HNF4G: variants seen among roughly 807,000 people sequenced by gnomAD.
HNF4G encodes hepatocyte nuclear factor 4 gamma, also known as hepatocyte nuclear factor 4-gamma.
A neutral mutation model predicts 50.9 loss-of-function variants in HNF4G; 21 were observed. The observed-to-expected ratio is 0.41, with a 90% CI of 0.29 to 0.59. The LOEUF (loss-of-function observed/expected upper bound fraction) is 0.59, where lower values mean the gene tolerates loss of function less well. Ranked by LOEUF, HNF4G falls within the 20% of genes least tolerant of loss-of-function variation. The pLI is 0.26. For synonymous variants in HNF4G, 198 were observed against 185.6 expected (o/e 1.07, Z -0.54); for missense variants, 527 against 559.4 (o/e 0.94, Z 0.58).
intron 2 of HNF4G, among the ~76,000 whole-genome samples, chr8:75,499,336 C>G (rs1812863405): frequency 1.3e-5 from 2 of 151,936 alleles, no homozygotes; most frequent in African/African-American, 4.8e-5. Flanking sequence ...AGATACAAGA[C>G]TGTACACTAA....
chr8:75,490,810 G>A (rs141826797), intron 2 of HNF4G, among the ~76,000 whole-genome samples: 126 of 152,246 alleles, frequency 8.3e-4, no homozygotes, highest in Middle Eastern at 3.4e-3. Flanking sequence ...TGAGCAGATT[G>A]CGATTGTTCA....
intron 1 of HNF4G, among the ~76,000 whole-genome samples, chr8:75,441,774 C>T (rs1403707501): frequency 6.6e-6 from 1 of 152,168 alleles, no homozygotes; most frequent in East Asian, 1.9e-4. Context: ...TATCCCATCA[C>T]AAACTTGTAG....
At chr8:75,496,166 GA>G (rs1207762652) in intron 2 of HNF4G, among the ~76,000 whole-genome samples, 1 of 152,052 alleles carries the variant, frequency 6.6e-6, no homozygotes, top group East Asian at 1.9e-4. Context: ...AAAAATTTGA[GA>G]GATCCAGGAG....
chr8:75,424,439 G>A (rs1281576501), intron 1 of HNF4G, among the ~76,000 whole-genome samples: 2 of 151,894 alleles, frequency 1.3e-5, no homozygotes, highest in African/African-American at 4.8e-5. Context: ...TTGTTACAAG[G>A]GTATATTGGA....
intron 2 of HNF4G, among the ~76,000 whole-genome samples, chr8:75,503,634 A>C (rs1812989355): frequency 6.6e-6 from 1 of 152,218 alleles, no homozygotes; most frequent in Non-Finnish European, 1.5e-5. Flanking sequence ...TTAGAGCTGA[A>C]TCAGTGTTGT....
At chr8:75,493,074 T>A (rs1428128440) in intron 2 of HNF4G, among the ~76,000 whole-genome samples, 10 of 152,208 alleles carry the variant, frequency 6.6e-5, no homozygotes, top group Non-Finnish European at 1.2e-4. Flanking sequence ...CATATACATA[T>A]GAATCATAAA....
At chr8:75,531,557 T>A (rs1319334168) in intron 2 of HNF4G, among the ~76,000 whole-genome samples, 1 of 152,090 alleles carries the variant, frequency 6.6e-6, no homozygotes, top group Non-Finnish European at 1.5e-5. Flanking sequence ...GGATGAAATA[T>A]CCCTTTTTCA....
At chr8:75,516,557 C>T (rs1053070415) in intron 2 of HNF4G, among the ~76,000 whole-genome samples, 1 of 152,040 alleles carries the variant, frequency 6.6e-6, no homozygotes, top group South Asian at 2.1e-4. Flanking sequence ...TGAGTGAAAT[C>T]TTCTATAAAT....
chr8:75,561,616 T>C (rs188164305), intron 9 of HNF4G, among the ~76,000 whole-genome samples: 151 of 152,290 alleles, frequency 9.9e-4, no homozygotes, highest in South Asian at 1.2e-3. Flanking sequence ...ACATCTGTTA[T>C]TTAGGTAGCT....
intron 1 of HNF4G, among the ~76,000 whole-genome samples, chr8:75,473,131 A>T (rs28600865): frequency 0.12 from 18,474 of 151,876 alleles, 1,499 homozygotes; most frequent in African/African-American, 0.24. Flanking sequence ...AACATGGTGA[A>T]ACTCCGTCTC....
intron 9 of HNF4G, 102 bp from the exon 10 acceptor site, chr8:75,563,873 C>A: frequency 7.6e-7 from 1 of 1,314,954 alleles, no homozygotes; most frequent in Non-Finnish European, 1.1e-6. Context: ...ATTTTAAAAA[C>A]ATTTCCAAAT....
chr8:75,471,615 A>G lies in HNF4G; in HGVS notation c.-143-18474A>G, dbSNP rs191165945. 2.0e-3 allele frequency among the ~76,000 whole-genome samples: 301 copies of G among 152,180 alleles called. 1 individual carries two copies. Among genetic ancestry groups the G allele is most frequent in the Non-Finnish European group, 3.4e-3 (232 of 67,996 alleles). On this transcript the variant is annotated intron_variant, in intron 1 of 10. Transcript: ENST00000354370. ...CCCTTTGCCTCCTTCCTTCTTATTA[A>G]TTTCCAATTTATCTTTCTTTCTTTT...
At chr8:75,517,973 CTCAAT>C (rs1209949803) in intron 2 of HNF4G, among the ~76,000 whole-genome samples, 1 of 128,764 alleles carries the variant, frequency 7.8e-6, no homozygotes, top group Non-Finnish European at 1.7e-5. Flanking sequence ...GGTTCTAAAC[CTCAAT>C]TCTTTTTTTT....
At chr8:75,529,262 G>A (rs1485417618) in intron 2 of HNF4G, among the ~76,000 whole-genome samples, 1 of 151,904 alleles carries the variant, frequency 6.6e-6, no homozygotes, top group Admixed American at 6.6e-5. Flanking sequence ...CTGCACTCCA[G>A]CCTGGGCAAC....
chr8:75,558,210 G>A (rs1807187153), intron 6 of HNF4G, among the ~76,000 whole-genome samples: 1 of 152,134 alleles, frequency 6.6e-6, no homozygotes, highest in Non-Finnish European at 1.5e-5. Flanking sequence ...GTCTGACACA[G>A]AGAAAAACTA....
chr8:75,487,004 TA>T (rs937270333), intron 1 of HNF4G, among the ~76,000 whole-genome samples: 5 of 150,374 alleles, frequency 3.3e-5, no homozygotes, highest in East Asian at 3.9e-4. Context: ...AGACCCTGTC[TA>T]AAAAAAAATG....
intron 1 of HNF4G, among the ~76,000 whole-genome samples, chr8:75,464,407 G>A (rs1048197452): frequency 6.6e-6 from 1 of 151,802 alleles, no homozygotes; most frequent in Non-Finnish European, 1.5e-5. Flanking sequence ...CTTTCATTTT[G>A]TTTCCTGCAC....
intron 1 of HNF4G, among the ~76,000 whole-genome samples, chr8:75,455,553 T>A (rs1031373020): frequency 1.3e-5 from 2 of 152,154 alleles, no homozygotes; most frequent in African/African-American, 4.8e-5. Flanking sequence ...AACTATAATT[T>A]TCTGAATAAT....
intron 1 of HNF4G, among the ~76,000 whole-genome samples, chr8:75,416,429 T>C (rs1337357126): frequency 6.6e-6 from 1 of 152,190 alleles, no homozygotes; most frequent in Non-Finnish European, 1.5e-5. Context: ...ATTTGCTGTG[T>C]TTTCAAAATT....
Sources: gnomAD v4.1 joint callset for allele counts (sites outside exome capture counted in the v4.1 genomes callset) on GRCh38, gnomAD v4.1.1 for gene constraint, MANE v1.5 for transcripts, NCBI Gene and HGNC (gene_info 2026-07-23, HGNC 2026-07-21) for gene names.